The following CKMT2 variants were observed in gnomAD, a reference collection of about 807,000 sequenced individuals.
CKMT2 encodes the protein creatine kinase, mitochondrial 2.
CKMT2 carries 43 observed loss-of-function variants against 48.9 expected under a neutral mutation model. The observed-to-expected ratio is 0.88, with a 90% CI of 0.69 to 1.13. CKMT2 has a LOEUF of 1.13. Among genes scored for constraint, CKMT2 ranks in the 50% most tolerant of loss-of-function variants. The pLI, the probability that CKMT2 is intolerant of heterozygous loss-of-function variation, is 0.00. For synonymous variants in CKMT2, 206 were observed against 213.0 expected, an observed-to-expected ratio of 0.97 and a Z score of 0.29; for missense variants, 472 against 555.4, an observed-to-expected ratio of 0.85 and a Z score of 1.51.
intron 9 of CKMT2, among the ~76,000 whole-genome samples, chr5:81,264,490 G>A (rs1052049483): frequency 6.6e-6 from 1 of 152,154 alleles, no homozygotes; most frequent in Admixed American, 6.5e-5. Context: ...GTACACTGAG[G>A]AAAAGGAAAG....
At chr5:81,234,423 C>T (rs567238133) in intron 1 of CKMT2, among the ~76,000 whole-genome samples, 10 of 152,132 alleles carry the variant, frequency 6.6e-5, no homozygotes, top group Non-Finnish European at 1.5e-4. Flanking sequence ...GTTCTGAACT[C>T]GTGTCCTTGG....
At position 81,266,155 on chromosome 5, in the gene CKMT2, T is replaced by C. The variant is rs1347672795; in HGVS notation, c.1157T>C (p.Ile386Thr). Residue 386 changes from isoleucine to threonine, a missense_variant, in exon 10 of 10, where the codon ATA (isoleucine) becomes ACA (threonine). By Grantham distance (89) the Ile-to-Thr change is moderately conservative (BLOSUM62 -1). Transcript: ENST00000254035. The part of the protein sequence containing the change: ...IGRSEVELVQ[I>T]VIDGVNYLVD... The stretch of plus-strand genomic sequence containing the variant: ...CTGTCAAAGGTTGAGCTTGTTCAGA[T>C]AGTCATCGATGGAGTCAATTACCTG... 5 of 1,612,758 alleles carry C rather than the reference T, an allele frequency of 3.1e-6. No individual in the cohort carries two copies. Among genetic ancestry groups the C allele is most frequent in the Non-Finnish European group, 2.5e-6 (3 of 1,178,832 alleles).
intron 1 of CKMT2, among the ~76,000 whole-genome samples, chr5:81,241,959 TAAA>T (rs369086839): frequency 1.4e-5 from 2 of 140,612 alleles, no homozygotes; most frequent in Non-Finnish European, 1.6e-5. Flanking sequence ...TCAGAACCCC[TAAA>T]AAAAAAAAAA....
chr5:81,258,868 C>A (rs1160484012), intron 7 of CKMT2, among the ~76,000 whole-genome samples: 2 of 152,230 alleles, frequency 1.3e-5, no homozygotes, highest in Non-Finnish European at 2.9e-5. Flanking sequence ...CATTCATTAT[C>A]TTTCAAGACA....
intron 3 of CKMT2, 75 bp from the exon 4 acceptor site, chr5:81,254,321 G>T: frequency 7.8e-7 from 1 of 1,280,462 alleles, no homozygotes; most frequent in Non-Finnish European, 1.1e-6. Flanking sequence ...AAGATACAAG[G>T]GGCAAGTGAA....
chr5:81,257,152 G>GTA, intron 6 of CKMT2, 152 bp downstream of exon 6: 1 of 221,054 alleles, frequency 4.5e-6, no homozygotes. Context: ...GTGTGTGTGT[G>GTA]TGTGTGTGTG....
intron 8 of CKMT2, among the ~76,000 whole-genome samples, chr5:81,260,145 GAAAT>G (rs1452909881): frequency 5.3e-5 from 8 of 152,158 alleles, no homozygotes; most frequent in Admixed American, 2.0e-4. Context: ...AATAAAGGCA[GAAAT>G]AAATAAGTTC....
intron 8 of CKMT2, 58 bp from the exon 9 acceptor site, chr5:81,263,433 A>G (rs1457798015): frequency 5.8e-6 from 8 of 1,388,308 alleles, no homozygotes; most frequent in South Asian, 1.7e-5. Context: ...TAAACGCACC[A>G]ATGATTATGA....
chr5:81,246,921 G>A (rs184469863), intron 1 of CKMT2: 3 of 152,340 alleles, frequency 2.0e-5, no homozygotes, highest in East Asian at 1.9e-4. Context: ...TCCTCTCACC[G>A]AACTGCTCAC....
chr5:81,241,360 T>C (rs1420187356), intron 1 of CKMT2, among the ~76,000 whole-genome samples: 2 of 152,170 alleles, frequency 1.3e-5, no homozygotes, highest in Non-Finnish European at 2.9e-5. Context: ...TTGCTGCCCC[T>C]TTGAAATGTA....
At position 81,266,230 on chromosome 5, in the gene CKMT2, C is replaced by A; in HGVS notation, c.1232C>A (p.Pro411His). ...AGAGGCCAAGATATTAAGGTGCCACCCCCTCTGCCTCAGTTTGGCAAAAAG... is the reference window on the plus strand; with the variant it reads ...AGAGGCCAAGATATTAAGGTGCCACACCCTCTGCCTCAGTTTGGCAAAAAG... ...LERGQDIKVP[P>H]PLPQFGKK Residue 411 changes from proline (P) to histidine (H), a missense_variant, in exon 10 of 10, where the codon CCC becomes CAC. Transcript: ENST00000254035. 6.2e-7 allele frequency: 1 copy of A among 1,613,158 alleles called. No individual in the cohort carries two copies. Among genetic ancestry groups the A allele is most frequent in the African/African-American group, 1.3e-5 (1 of 74,988 alleles).
intron 1 of CKMT2, among the ~76,000 whole-genome samples, 163 bp from the exon 2 acceptor site, chr5:81,250,950 C>CAT (rs1756785625): frequency 6.8e-6 from 1 of 146,290 alleles, no homozygotes; most frequent in African/African-American, 2.6e-5. Flanking sequence ...AACACACACA[C>CAT]ACACACACAC....
At chr5:81,246,345 ACCT>A (rs1387385849) in intron 1 of CKMT2, among the ~76,000 whole-genome samples, 1 of 150,500 alleles carries the variant, frequency 6.6e-6, no homozygotes, top group Non-Finnish European at 1.5e-5. Flanking sequence ...AGCTCCACTG[ACCT>A]CCTTTCTGTC....
intron 7 of CKMT2, among the ~76,000 whole-genome samples, chr5:81,258,832 C>A (rs1022198899): frequency 1.3e-5 from 2 of 152,172 alleles, no homozygotes; most frequent in African/African-American, 2.4e-5. Context: ...TCCCTCCCTA[C>A]GATCTGTGGA....
At position 81,259,201 on chromosome 5, in the gene CKMT2, C is replaced by T; in HGVS notation, c.961C>T (p.Leu321Phe). ...LGYILTCPSN[L>F]GTGLRAGVHV... Reference sequence around the variant, plus strand: ...ATACATTTTGACCTGTCCTTCGAACCTTGGAACAGGACTACGAGCTGGTGT... The same window carrying T: ...ATACATTTTGACCTGTCCTTCGAACTTTGGAACAGGACTACGAGCTGGTGT... Residue 321 changes from leucine (L) to phenylalanine (F), a missense_variant, in exon 8 of 10, where the codon CTT (leucine) becomes TTT (phenylalanine). Coordinates refer to ENST00000254035, the MANE Select transcript of CKMT2 (RefSeq NM_001099735.2). 6.2e-7 allele frequency: 1 copy of T among 1,614,020 alleles called. No homozygotes were observed. Among genetic ancestry groups the T allele is most frequent in the Non-Finnish European group, 8.5e-7 (1 of 1,179,972 alleles).
chr5:81,264,860 C>CA (rs1757338390), intron 9 of CKMT2, among the ~76,000 whole-genome samples: 1 of 151,850 alleles, frequency 6.6e-6, no homozygotes, highest in Admixed American at 6.6e-5. Context: ...AAAAACTACC[C>CA]AAAAAACTTG....
intron 1 of CKMT2, among the ~76,000 whole-genome samples, chr5:81,240,899 T>C (rs1756412782): frequency 6.6e-6 from 1 of 152,186 alleles, no homozygotes; most frequent in South Asian, 2.1e-4. Context: ...AGTGGTGGGA[T>C]CCCCAGGACT....
intron 1 of CKMT2, among the ~76,000 whole-genome samples, chr5:81,239,863 T>C (rs1215265773): frequency 2.5e-4 from 38 of 152,200 alleles, no homozygotes; most frequent in Admixed American, 2.5e-3. Flanking sequence ...CATGTGGTCC[T>C]GGGTGAGTTA....
In CKMT2 at chr5:81,263,518, A is replaced by C; in HGVS notation, c.1042A>C (p.Asn348His). 1 of 1,612,878 alleles carries C rather than the reference A, an allele frequency of 6.2e-7. No homozygotes were observed. Among genetic ancestry groups the C allele is most frequent in the Admixed American group, 1.7e-5 (1 of 59,936 alleles). ...KDPRFSKILE[N>H]LRLQKRGTGG... ...CCCACGCTTTTCTAAGATCCTGGAA[A>C]ACCTAAGACTCCAGAAGCGTGGCAC... The change falls in exon 9 of 10, where the codon AAC (asparagine) becomes CAC (histidine). Residue 348 changes from asparagine (N) to histidine (H), a missense_variant. Transcript: ENST00000254035.
Sources: allele counts gnomAD v4.1 joint callset (sites outside exome capture counted in the v4.1 genomes callset), GRCh38; gene constraint gnomAD v4.1.1; transcripts MANE v1.5; gene names NCBI Gene and HGNC (gene_info 2026-07-23, HGNC 2026-07-21).